SORCS3: variants seen among roughly 807,000 people sequenced by gnomAD.
The protein encoded by SORCS3 is VPS10 domain-containing receptor SorCS3.
SORCS3 carries 57 observed loss-of-function variants against 146.3 expected under a neutral mutation model. The ratio of observed to expected loss-of-function variants is 0.39; its 90% confidence interval spans 0.31 to 0.49. The LOEUF (loss-of-function observed/expected upper bound fraction) is 0.49, where lower values mean the gene tolerates loss of function less well. Ranked by LOEUF, SORCS3 falls within the 20% of genes least tolerant of loss-of-function variation. The probability of loss-of-function intolerance (pLI) is 0.92; values close to 1 mark genes in which losing one functional copy is unlikely to be tolerated. For synonymous variants in SORCS3, 653 were observed against 618.5 expected (o/e 1.06, Z -0.83); for missense variants, 1,341 against 1,575.5 (o/e 0.85, Z 2.52).
Position 105,171,380 on chromosome 10 carries a change from C to T in SORCS3, c.1901+4031C>T, listed in dbSNP as rs1379759538. ...GCATTAGAGTGAGATAAACAATGGG[C>T]CCCCACTGAATAGAGAGATCTGATG... On this transcript the variant is annotated intron_variant, in intron 13 of 26. Transcript: ENST00000369701. Among the ~76,000 whole-genome samples, 5 of 152,106 alleles carry T rather than the reference C, an allele frequency of 3.3e-5. No individual in the cohort carries two copies. The East Asian group carries it at 9.6e-4, about 29-fold the overall frequency.
At chr10:104,904,435 A>C (rs1447148606) in intron 2 of SORCS3, among the ~76,000 whole-genome samples, 1 of 152,184 alleles carries the variant, frequency 6.6e-6, no homozygotes. Context: ...ACATGAATCT[A>C]TTCTAGGGAA....
At chr10:105,171,345 T>A (rs1231574903) in intron 13 of SORCS3, among the ~76,000 whole-genome samples, 4 of 152,168 alleles carry the variant, frequency 2.6e-5, no homozygotes, top group Non-Finnish European at 5.9e-5. Flanking sequence ...ATCTCCTTTG[T>A]ACCTGAGAAG....
intron 7 of SORCS3, among the ~76,000 whole-genome samples, chr10:105,118,185 C>T (rs746734206): frequency 9.2e-5 from 14 of 152,150 alleles, no homozygotes; most frequent in East Asian, 3.9e-4. Flanking sequence ...ATTATGGGGG[C>T]GGTTATCCCC....
chr10:104,996,230 A>G (rs1315096481), intron 4 of SORCS3, among the ~76,000 whole-genome samples: 3 of 152,148 alleles, frequency 2.0e-5, no homozygotes, highest in African/African-American at 7.2e-5. Context: ...CCTACCTCCA[A>G]AAAAATGGCT....
intron 7 of SORCS3, among the ~76,000 whole-genome samples, chr10:105,117,470 C>T (rs1224423948): frequency 1.3e-5 from 2 of 152,110 alleles, no homozygotes; most frequent in African/African-American, 4.8e-5. Flanking sequence ...ATCTAAACAT[C>T]CATTTCCATC....
intron 3 of SORCS3, among the ~76,000 whole-genome samples, chr10:104,934,370 A>G (rs965828956): frequency 1.3e-5 from 2 of 152,206 alleles, no homozygotes; most frequent in Non-Finnish European, 2.9e-5. Flanking sequence ...TGAACTTAGT[A>G]TCTGGGCTTT....
chr10:104,807,645 TTTCTC>T (rs1358230086), intron 1 of SORCS3, among the ~76,000 whole-genome samples: 1 of 152,146 alleles, frequency 6.6e-6, no homozygotes, highest in Non-Finnish European at 1.5e-5. Flanking sequence ...CTTCACCTCT[TTTCTC>T]TTTATTTTTT....
intron 5 of SORCS3, among the ~76,000 whole-genome samples, chr10:105,081,084 C>T (rs1201967030): frequency 3.3e-5 from 5 of 151,896 alleles, no homozygotes; most frequent in African/African-American, 9.7e-5. Flanking sequence ...CATTGTACCC[C>T]GTAAATGTAT....
At chr10:105,244,095 C>T (rs183352046) in intron 20 of SORCS3, among the ~76,000 whole-genome samples, 63 of 152,222 alleles carry the variant, frequency 4.1e-4, no homozygotes, top group African/African-American at 1.4e-3. Flanking sequence ...ATCTCTTTAT[C>T]AGCTGCCTTA....
chr10:104,901,069 C>A (rs1712345273), intron 2 of SORCS3, among the ~76,000 whole-genome samples: 1 of 152,158 alleles, frequency 6.6e-6, no homozygotes, highest in South Asian at 2.1e-4. Flanking sequence ...ATGAAGTCTT[C>A]CTTCCTTTAC....
chr10:105,080,216 A>G (rs370738069), intron 5 of SORCS3, among the ~76,000 whole-genome samples: 6 of 152,186 alleles, frequency 3.9e-5, no homozygotes, highest in African/African-American at 1.4e-4. Flanking sequence ...CCTCACCAGC[A>G]TCTATTATTT....
chr10:105,126,925 T>A (rs1483983694), intron 7 of SORCS3, among the ~76,000 whole-genome samples: 1 of 152,124 alleles, frequency 6.6e-6, no homozygotes, highest in Non-Finnish European at 1.5e-5. Flanking sequence ...ATATTGTCAT[T>A]TGTACATCTT....
Position 104,807,210 on chromosome 10 carries a change from T to C in SORCS3, c.628-35582T>C, listed in dbSNP as rs112762978. On this transcript the variant is annotated intron_variant, in intron 1 of 26. Transcript: ENST00000369701. ...GTGTGTGTGTGCGCATGTGTGTGTG[T>C]GCGTGTGTGTGCATGCATGCGTGCG... is the stretch of plus-strand genomic sequence containing the variant. 7.5e-3 allele frequency among the ~76,000 whole-genome samples: 1,144 copies of C among 151,998 alleles called. 9 individuals are homozygous for C. The highest frequency in any genetic ancestry group is 0.017 in the Middle Eastern group (5 of 294).
rs779339383 is a variant in SORCS3, at chr10:105,178,123, C to G, written c.1959C>G (p.Leu653=). ...AGTATGGTTTCACTTCGGTTCCTCT[C>G]TTTGTTGACGGGGCTCTGGTGGAGG... ...WDKYGFTSVP[L]FVDGALVEAG... Residue 653 remains leucine (L), a synonymous_variant, in exon 14 of 27, where the codon CTC becomes CTG. Transcript: ENST00000369701. The G allele has an allele frequency of 2.0e-5, 33 of 1,613,540 alleles. No individual in the cohort carries two copies. Among genetic ancestry groups the G allele is most frequent in the Non-Finnish European group, 2.7e-5 (32 of 1,179,786 alleles).
At chr10:105,047,075 G>A (rs1301910610) in intron 5 of SORCS3, among the ~76,000 whole-genome samples, 1 of 152,006 alleles carries the variant, frequency 6.6e-6, no homozygotes, top group East Asian at 1.9e-4. Context: ...AGCTACAAAT[G>A]AATAGTATTC....
chr10:104,846,222 G>A (rs2018202670), intron 2 of SORCS3, among the ~76,000 whole-genome samples: 1 of 152,154 alleles, frequency 6.6e-6, no homozygotes, highest in African/African-American at 2.4e-5. Flanking sequence ...TTCCCGGTTT[G>A]CTGGGACCTC....
chr10:105,002,733 G>C (rs1386638218), intron 4 of SORCS3, among the ~76,000 whole-genome samples: 1 of 152,198 alleles, frequency 6.6e-6, no homozygotes, highest in Non-Finnish European at 1.5e-5. Context: ...GTGAGAGCGA[G>C]TGTTGGCTCT....
intron 14 of SORCS3, among the ~76,000 whole-genome samples, chr10:105,188,866 T>C (rs1408848980): frequency 6.6e-6 from 1 of 152,156 alleles, no homozygotes; most frequent in Non-Finnish European, 1.5e-5. Flanking sequence ...GGTGAAAGGA[T>C]TGAGTCGGGA....
chr10:105,138,686 C>T (rs989302596), intron 7 of SORCS3, among the ~76,000 whole-genome samples: 1 of 152,190 alleles, frequency 6.6e-6, no homozygotes. Flanking sequence ...GCGTGGTTTC[C>T]ACTTTCCTCC....
Sources: allele counts gnomAD v4.1 joint callset (sites outside exome capture counted in the v4.1 genomes callset), GRCh38; gene constraint gnomAD v4.1.1; transcripts MANE v1.5; gene names NCBI Gene and HGNC (gene_info 2026-07-23, HGNC 2026-07-21).